Variants in CUBN observed in about 807,000 individuals in gnomAD.
CUBN encodes the protein cubilin, also known as 460 kDa receptor.
In CUBN, 282 loss-of-function variants were observed where a neutral mutation model predicts 405.3. The ratio of observed to expected loss-of-function variants is 0.70; its 90% CI spans 0.63 to 0.77. CUBN has a LOEUF of 0.77. Ranked by LOEUF, CUBN falls within the 30% of genes least tolerant of loss-of-function variation. The pLI is 0.00. For synonymous variants in CUBN, 1,684 were observed against 1,617.0 expected, an observed-to-expected ratio of 1.04 and a Z score of -0.99; for missense variants, 4,514 against 4,475.2, an observed-to-expected ratio of 1.01 and a Z score of -0.25.
chr10:17,049,752 T>C (rs1835220873), intron 22 of CUBN, among the ~76,000 whole-genome samples: 1 of 152,150 alleles, frequency 6.6e-6, no homozygotes, highest in African/African-American at 2.4e-5. Context: ...AATACACAGT[T>C]TAACATATAC....
chr10:17,002,800 A>T (rs904190525), intron 28 of CUBN, among the ~76,000 whole-genome samples: 1 of 152,240 alleles, frequency 6.6e-6, no homozygotes, highest in African/African-American at 2.4e-5. Flanking sequence ...CCAACTTTAC[A>T]ACAAGGAGTT....
chr10:16,985,096 G>C (rs1833379405), intron 29 of CUBN, among the ~76,000 whole-genome samples: 1 of 152,224 alleles, frequency 6.6e-6, no homozygotes, highest in African/African-American at 2.4e-5. Context: ...CCCTGGCAAA[G>C]GCCCCATCCC....
At chr10:16,904,392 C>T (rs1841497554) in intron 50 of CUBN, among the ~76,000 whole-genome samples, 1 of 152,220 alleles carries the variant, frequency 6.6e-6, no homozygotes, top group South Asian at 2.1e-4. Context: ...GTTATTTCAG[C>T]ATATCTAAAC....
In CUBN at chr10:17,103,137, A is replaced by G. The variant is rs770123317; in HGVS notation, c.1518T>C (p.Thr506=). ...HDVNCFWVIK[T]EMGKVLRITF... is the part of the protein sequence containing the mutation. ...TTACTACATTTACCTTTCCCATTTC[A>G]GTTTTGATAACCCAGAAGCAGTTAA... is the stretch of plus-strand genomic sequence containing the variant. The change falls in exon 13 of 67, where the codon ACT becomes ACC. Residue 506 remains threonine, a synonymous_variant. Coordinates refer to ENST00000377833, the MANE Select transcript of CUBN (RefSeq NM_001081.4). 2 of 1,607,580 alleles carry G rather than the reference A, an allele frequency of 1.2e-6. No homozygotes were observed. Among genetic ancestry groups the G allele is most frequent in the East Asian group, 4.5e-5 (2 of 44,830 alleles).
chr10:16,870,156 G>A (rs1840308506), intron 58 of CUBN, among the ~76,000 whole-genome samples: 1 of 152,152 alleles, frequency 6.6e-6, no homozygotes, highest in African/African-American at 2.4e-5. Context: ...GTCCATCTGA[G>A]AACAACTTTT....
Position 16,876,892 on chromosome 10 carries a change from C to T in CUBN, c.9106+5G>A. ...ATTCCAAACTCTGTCATTATGGCTA[C>T]TCACAGATTATCCTATAGGAAAACT... On this transcript the variant is annotated splice_donor_5th_base_variant and intron_variant, in intron 57 of 66. Transcript: ENST00000377833. 2 of 1,611,506 alleles carry T rather than the reference C, an allele frequency of 1.2e-6. No homozygotes were observed. The highest frequency in any genetic ancestry group is 1.7e-6 in the Non-Finnish European group (2 of 1,178,048).
At chr10:16,952,434 T>C in intron 32 of CUBN, 45 bp from the exon 33 acceptor site, 2 of 1,113,756 alleles carry the variant, frequency 1.8e-6, no homozygotes, top group Non-Finnish European at 2.8e-6. Flanking sequence ...GCTTTTCATT[T>C]CTACTGACCG....
chr10:17,118,917 G>A (rs1045393411), intron 6 of CUBN, among the ~76,000 whole-genome samples: 11 of 152,140 alleles, frequency 7.2e-5, no homozygotes, highest in African/African-American at 2.7e-4. Context: ...TACTGATATA[G>A]CAGAAGTGTC....
intron 29 of CUBN, among the ~76,000 whole-genome samples, chr10:16,984,800 C>T (rs1833371669): frequency 6.6e-6 from 1 of 152,202 alleles, no homozygotes; most frequent in African/African-American, 2.4e-5. Flanking sequence ...GGAATTTCCA[C>T]CTACCCTGCA....
chr10:16,867,014 T>C (rs539587778), intron 59 of CUBN, among the ~76,000 whole-genome samples: 10 of 152,230 alleles, frequency 6.6e-5, no homozygotes, highest in East Asian at 1.9e-4. Context: ...TCCTGAAAAA[T>C]TGAAGCAGAT....
chr10:16,829,355 A>AC lies in CUBN; in HGVS notation c.10529-316_10529-315insG, dbSNP rs199702172. Among the ~76,000 whole-genome samples the AC allele has an allele frequency of 0.038, 5,788 of 151,576 alleles. 143 individuals are homozygous for AC. Among genetic ancestry groups the AC allele is most frequent in the Non-Finnish European group, 0.051 (3,443 of 67,884 alleles). ...GAGAGCAGAATGGAAAAAAAAAAAA[A>AC]AAACAAACTTGATAAAGTAACTGTG... On this transcript the variant is annotated intron_variant, in intron 65 of 66. Transcript: ENST00000377833.
At chr10:17,040,036 C>A (rs1834982801) in intron 27 of CUBN, among the ~76,000 whole-genome samples, 1 of 152,158 alleles carries the variant, frequency 6.6e-6, no homozygotes, top group Non-Finnish European at 1.5e-5. Context: ...CTTGTAAAAA[C>A]ACAATTAAGA....
chr10:16,899,305 T>A, intron 53 of CUBN, 122 bp from the exon 54 acceptor site: 1 of 792,762 alleles, frequency 1.3e-6, no homozygotes, highest in Admixed American at 1.9e-5. Flanking sequence ...TTACAAGTGA[T>A]CATCTTCCAG....
intron 27 of CUBN, among the ~76,000 whole-genome samples, chr10:17,031,762 A>C (rs1588598273): frequency 6.6e-6 from 1 of 152,324 alleles, no homozygotes; most frequent in Non-Finnish European, 1.5e-5. Flanking sequence ...TAGGGAGCTA[A>C]AGACTGGCGT....
chr10:17,099,848 T>G (rs1051561988), intron 14 of CUBN, among the ~76,000 whole-genome samples, 157 bp downstream of exon 14: 1 of 152,120 alleles, frequency 6.6e-6, no homozygotes, highest in Non-Finnish European at 1.5e-5. Flanking sequence ...TAAGACCTTG[T>G]CTCAAAATAA....
Position 17,004,674 on chromosome 10 carries a change from C to CTTTTT in CUBN, c.4169-14164_4169-14160dup, listed in dbSNP as rs10637688. Among the ~76,000 whole-genome samples the CTTTTT allele has an allele frequency of 5.0e-5, 7 of 141,142 alleles. 1 individual carries two copies. The highest frequency in any genetic ancestry group is 2.3e-4 in the South Asian group (1 of 4,408). 92.6% of individuals were successfully genotyped at this position (141,142 alleles called of 152,430 possible). ...TGCCCATCCTACCTTCTAAATAGCT[C>CTTTTT]TTTTTTTTTTTTTTTAGCAGAATCT... On this transcript the variant is annotated intron_variant, in intron 28 of 66. Transcript: ENST00000377833.
intron 28 of CUBN, among the ~76,000 whole-genome samples, chr10:17,008,238 G>GGGGTGT (rs1554809153): frequency 1.7e-3 from 135 of 80,906 alleles, no homozygotes; most frequent in African/African-American, 4.8e-3. Context: ...GCCCGTGTGT[G>GGGGTGT]GTGTGTGTGT....
At chr10:16,829,163 A>C (rs1348784353) in intron 65 of CUBN, 123 bp from the exon 66 acceptor site, 6 of 756,228 alleles carry the variant, frequency 7.9e-6, no homozygotes, top group South Asian at 3.0e-5. Context: ...ATGGAGGCAG[A>C]AATCCCTTTT....
At chr10:16,912,926 C>G (rs181351828) in intron 48 of CUBN, among the ~76,000 whole-genome samples, 1,616 of 152,182 alleles carry the variant, frequency 0.011, 10 homozygotes, top group Non-Finnish European at 0.017. Flanking sequence ...GTGTTGAGAA[C>G]GTAGGGAGAG....
Sources: allele counts gnomAD v4.1 joint callset (sites outside exome capture counted in the v4.1 genomes callset), GRCh38; gene constraint gnomAD v4.1.1; transcripts MANE v1.5; gene names NCBI Gene and HGNC (gene_info 2026-07-23, HGNC 2026-07-21).